AHR: variants seen among roughly 807,000 people sequenced by gnomAD.
AHR encodes the protein AH-receptor.
A neutral mutation model predicts 86.8 loss-of-function variants in AHR; 40 were observed. The ratio of observed to expected loss-of-function variants is 0.46; its 90% confidence interval spans 0.36 to 0.60. AHR has a LOEUF of 0.60. Ranked by LOEUF, AHR falls within the 20% of genes least tolerant of loss-of-function variation. The probability of loss-of-function intolerance (pLI) is 0.00; values close to 1 mark genes in which losing one functional copy is unlikely to be tolerated. For synonymous variants in AHR, 398 were observed against 354.9 expected (o/e 1.12, Z -1.37); for missense variants, 1,001 against 1,011.6 (o/e 0.99, Z 0.14).
Position 17,334,190 on chromosome 7 carries a change from A to C in AHR, c.908+76A>C, listed in dbSNP as rs1782331283. On this transcript the variant is annotated intron_variant, in intron 7 of 10. Coordinates refer to ENST00000242057, the MANE Select transcript of AHR (RefSeq NM_001621.5). ...GTAAGTCTCTCTTAGCATGTAAAAC[A>C]TACAGTGTATGTAATATTGTTTATT... 3.1e-6 allele frequency: 4 copies of C among 1,278,916 alleles called. No individual in the cohort carries two copies. In the East Asian group the frequency reaches 9.3e-5, roughly 30 times the overall value. The allele number at this position is 1,278,916 out of a possible 1,614,324, so 79.2% of individuals were successfully genotyped here.
Position 17,335,006 on chromosome 7 carries a change from A to G in AHR, c.1018+10A>G, listed in dbSNP as rs1782339778. The G allele has an allele frequency of 6.3e-7, 1 of 1,597,426 alleles. No homozygotes were observed. The highest frequency in any genetic ancestry group is 1.7e-5 in the Admixed American group (1 of 59,528). ...GAGTCCCATATCCGAAGTAAGTTGT[A>G]GTTCCTTATGAACATGTCAGAAGAA... On this transcript the variant is annotated intron_variant, in intron 8 of 10. Coordinates refer to ENST00000242057, the MANE Select transcript of AHR (RefSeq NM_001621.5).
chr7:17,321,206 G>A (rs530486344), intron 2 of AHR, among the ~76,000 whole-genome samples: 22 of 151,986 alleles, frequency 1.4e-4, no homozygotes, highest in Non-Finnish European at 2.4e-4. Flanking sequence ...GTATCTAAAA[G>A]ATTATGCTTT....
intron 7 of AHR, 113 bp from the exon 8 acceptor site, chr7:17,334,774 G>C (rs1347398571): frequency 4.5e-6 from 3 of 664,890 alleles, no homozygotes; most frequent in Non-Finnish European, 7.4e-6. Flanking sequence ...AATTCTAAAT[G>C]TGAACTAAAA....
rs572265079 is a variant in AHR, at chr7:17,298,956, G to A, written c.-309G>A. ...TCCGCCCGGGCCGCCTCACCTGCGG[G>A]CATTGCCGCGCCGCCTCCGCCGGTG... is the stretch of plus-strand genomic sequence containing the variant. On this transcript the variant is annotated 5_prime_UTR_variant, in exon 1 of 11. Transcript: ENST00000242057. The A allele has an allele frequency of 3.8e-4, 167 of 441,074 alleles. No individual in the cohort carries two copies. Among genetic ancestry groups the A allele is most frequent in the Middle Eastern group, 3.3e-3 (6 of 1,792 alleles). The allele number at this position is 441,074 out of a possible 1,614,324, so 27.3% of individuals were successfully genotyped here.
In AHR at chr7:17,335,625, A is replaced by AT; in HGVS notation, c.1019-14dup. The AT allele has an allele frequency of 6.5e-7, 1 of 1,533,008 alleles. No homozygotes were observed. Among genetic ancestry groups the AT allele is most frequent in the Non-Finnish European group, 8.8e-7 (1 of 1,139,136 alleles). 95.0% of individuals were successfully genotyped at this position (1,533,008 alleles called of 1,614,324 possible). A position where few individuals can be genotyped will look rare whatever the true frequency, so the allele number is the denominator to read the frequency against. ...ATTGATTTGGGGGTTTGATAATTTA[A>AT]TTTTTTAATTTTATTTTAGTGATTA... On this transcript the variant is annotated intron_variant, in intron 8 of 10. Transcript: ENST00000242057.
chr7:17,329,678 G>T (rs1055305266), intron 4 of AHR, among the ~76,000 whole-genome samples: 1 of 151,884 alleles, frequency 6.6e-6, no homozygotes, highest in Non-Finnish European at 1.5e-5. Flanking sequence ...TTAATATGTT[G>T]CATTTAAGGA....
At chr7:17,311,702 T>C (rs958973360) in intron 2 of AHR, among the ~76,000 whole-genome samples, 9 of 152,150 alleles carry the variant, frequency 5.9e-5, no homozygotes, top group African/African-American at 1.7e-4. Context: ...ATATAAAAAG[T>C]GTTTGAATTT....
intron 2 of AHR, among the ~76,000 whole-genome samples, chr7:17,316,032 A>G (rs1411863165): frequency 6.6e-6 from 1 of 152,182 alleles, no homozygotes; most frequent in African/African-American, 2.4e-5. Context: ...AAGGATGAGC[A>G]GGGGTAGTAA....
chr7:17,301,372 A>G (rs1340259981), intron 1 of AHR, among the ~76,000 whole-genome samples: 1 of 152,062 alleles, frequency 6.6e-6, no homozygotes, highest in Non-Finnish European at 1.5e-5. Flanking sequence ...TTTAAAATTA[A>G]ACTACCAGTT....
intron 1 of AHR, among the ~76,000 whole-genome samples, chr7:17,308,096 A>T (rs1482393562): frequency 6.6e-6 from 1 of 152,140 alleles, no homozygotes; most frequent in Non-Finnish European, 1.5e-5. Flanking sequence ...TCCACCTAGG[A>T]TGTAAGCTCC....
At chr7:17,328,713 A>G (rs1394322772) in intron 4 of AHR, among the ~76,000 whole-genome samples, 2 of 151,866 alleles carry the variant, frequency 1.3e-5, no homozygotes, top group African/African-American at 2.4e-5. Flanking sequence ...AGCTTCAACT[A>G]TATTATATAC....
intron 8 of AHR, 52 bp downstream of exon 8, chr7:17,335,048 G>A (rs1429929841): frequency 1.5e-6 from 2 of 1,329,936 alleles, no homozygotes; most frequent in Admixed American, 1.9e-5. Context: ...ATATACTGTT[G>A]TACATGTTTC....
In AHR at chr7:17,333,738, A is replaced by T. The variant is rs113218747; in HGVS notation, c.706-174A>T. ...TTTTTCATATTACTCTTTGAGATAGATTTAATGGGCGTCCCATGGAGAGAG... is the reference window on the plus strand; with the variant it reads ...TTTTTCATATTACTCTTTGAGATAGTTTTAATGGGCGTCCCATGGAGAGAG... On this transcript the variant is annotated intron_variant, in intron 6 of 10. Transcript: ENST00000242057. 4.3e-3 allele frequency among the ~76,000 whole-genome samples: 660 copies of T among 152,030 alleles called. 4 individuals are homozygous for T. The highest frequency in any genetic ancestry group is 0.015 in the African/African-American group (621 of 41,534).
Position 17,338,067 on chromosome 7 carries a change from C to T in AHR, c.1161-919C>T, listed in dbSNP as rs377484959. Among the ~76,000 whole-genome samples, 109 of 151,326 alleles carry T rather than the reference C, an allele frequency of 7.2e-4. 1 individual carries two copies. In the East Asian group the frequency reaches 0.02, roughly 27 times the overall value. ...ACAAAAAATTAGCCGGGCGTTGTAGCGGGCGCCTGTAGTCCCAGCTACTCG... is the reference window on the plus strand; with the variant it reads ...ACAAAAAATTAGCCGGGCGTTGTAGTGGGCGCCTGTAGTCCCAGCTACTCG... On this transcript the variant is annotated intron_variant, in intron 9 of 10. Transcript: ENST00000242057.
Position 17,310,112 on chromosome 7 carries a change from G to T in AHR, c.242G>T (p.Ser81Ile). The change falls in exon 2 of 11, where the codon AGC (serine) becomes ATC (isoleucine). Residue 81 changes from serine (S) to isoleucine (I), a missense_variant. Coordinates refer to ENST00000242057, the MANE Select transcript of AHR (RefSeq NM_001621.5). ...RLSVSYLRAK[S>I]FFDVALKSSP... is the part of the protein sequence containing the mutation. ...AGCGTCAGTTACCTGAGAGCCAAGA[G>T]CTTCTTTGATGGTAAGACAGAAGGG... The T allele has an allele frequency of 6.2e-7, 1 of 1,613,482 alleles. No individual in the cohort carries two copies. Among genetic ancestry groups the T allele is most frequent in the Non-Finnish European group, 8.5e-7 (1 of 1,179,498 alleles).
rs1199854236 is a variant in AHR, at chr7:17,344,166, A to G, written c.*1102A>G. On this transcript the variant is annotated 3_prime_UTR_variant, in exon 11 of 11. Transcript: ENST00000242057. ...CTTTAAAAACTGTTTTAGACCTATA[A>G]TCCTTGATAATATATTGTGTTGACT... is the stretch of plus-strand genomic sequence containing the variant. 2.0e-5 allele frequency: 3 copies of G among 152,708 alleles called. No homozygotes were observed. In the East Asian group the frequency reaches 5.6e-4, roughly 29 times the overall value. The allele number at this position is 152,708 out of a possible 1,614,324, so 9.5% of individuals were successfully genotyped here.
intron 2 of AHR, among the ~76,000 whole-genome samples, chr7:17,320,097 G>C (rs1407158799): frequency 2.6e-5 from 4 of 151,852 alleles, no homozygotes; most frequent in Non-Finnish European, 5.9e-5. Flanking sequence ...TCCAACATTT[G>C]GAATTATAAG....
intron 1 of AHR, among the ~76,000 whole-genome samples, chr7:17,301,861 T>A (rs1257569563): frequency 1.3e-5 from 2 of 151,990 alleles, no homozygotes; most frequent in Non-Finnish European, 2.9e-5. Context: ...CCAATTCATG[T>A]TCCTACCTTC....
intron 10 of AHR, among the ~76,000 whole-genome samples, 176 bp downstream of exon 10, chr7:17,340,404 C>T (rs1782408234): frequency 6.6e-6 from 1 of 150,930 alleles, no homozygotes; most frequent in Non-Finnish European, 1.5e-5. Flanking sequence ...GTACTTTTTC[C>T]AGTATGTTAC....
Sources: gnomAD v4.1 joint callset for allele counts (sites outside exome capture counted in the v4.1 genomes callset) on GRCh38, gnomAD v4.1.1 for gene constraint, MANE v1.5 for transcripts, NCBI Gene and HGNC (gene_info 2026-07-23, HGNC 2026-07-21) for gene names.